The following KDM4C variants were observed in gnomAD, a reference collection of about 807,000 sequenced individuals.
KDM4C encodes the protein lysine-specific demethylase 4C.
In KDM4C, 81 loss-of-function variants were observed where a neutral mutation model predicts 129.3. That is an observed-to-expected ratio of 0.63 (90% CI 0.52 to 0.75). KDM4C has a LOEUF of 0.75. Among genes scored for constraint, KDM4C ranks in the 30% least tolerant of loss-of-function variants. The pLI is 0.00. For synonymous variants in KDM4C, 573 were observed against 456.1 expected, an observed-to-expected ratio of 1.26 and a Z score of -3.26; for missense variants, 1,457 against 1,304.0, an observed-to-expected ratio of 1.12 and a Z score of -1.81.
chr9:6,767,119 A>G (rs539567765), intron 1 of KDM4C, among the ~76,000 whole-genome samples: 54 of 150,852 alleles, frequency 3.6e-4, no homozygotes, highest in East Asian at 1.6e-3. Context: ...TTTTTTATCT[A>G]TTTAACTTTC....
In KDM4C at chr9:7,105,409, C is replaced by T. The variant is rs964810213; in HGVS notation, c.2610+1539C>T. 1.3e-5 allele frequency: 6 copies of T among 470,432 alleles called. 1 individual carries two copies. The highest frequency in any genetic ancestry group is 6.2e-5 in the South Asian group (4 of 64,472). The allele number at this position is 470,432 out of a possible 1,614,324, so 29.1% of individuals were successfully genotyped here. A position where few individuals can be genotyped will look rare whatever the true frequency, so the allele number is the denominator to read the frequency against. ...TCACCATGTTGTTTTCAGTTCACAG[C>T]ACAGAGTAAGCACTCAAAAAATGAA... On this transcript the variant is annotated intron_variant, in intron 18 of 21. Coordinates refer to ENST00000381309, the MANE Select transcript of KDM4C (RefSeq NM_015061.6).
At chr9:6,847,345 A>C (rs1838019565) in intron 4 of KDM4C, among the ~76,000 whole-genome samples, 1 of 152,278 alleles carries the variant, frequency 6.6e-6, no homozygotes, top group South Asian at 2.1e-4. Flanking sequence ...AATATTTTAC[A>C]TAATGTGATT....
At chr9:7,126,791 C>G (rs1303568590) in intron 18 of KDM4C, among the ~76,000 whole-genome samples, 1 of 151,704 alleles carries the variant, frequency 6.6e-6, no homozygotes, top group African/African-American at 2.4e-5. Flanking sequence ...TGGCTAATTT[C>G]AGGACTGGTG....
chr9:6,944,927 C>T (rs1826670267), intron 8 of KDM4C, among the ~76,000 whole-genome samples: 1 of 152,066 alleles, frequency 6.6e-6, no homozygotes, highest in Non-Finnish European at 1.5e-5. Flanking sequence ...CTCAAATTAG[C>T]TGGAACTAGA....
rs1844392856 is a variant in KDM4C at position 7,166,446 on chromosome 9, G to A, written c.2901+1089G>A. On this transcript the variant is annotated intron_variant, in intron 20 of 21. Transcript: ENST00000381309. ...GAGGATGTATACACATACATTGTGT[G>A]TGTATGTGTGTATGTGTGTCTGTGT... is the stretch of plus-strand genomic sequence containing the variant. 2.6e-4 allele frequency among the ~76,000 whole-genome samples: 2 copies of A among 7,680 alleles called. 1 individual carries two copies. The highest frequency in any genetic ancestry group is 4.5e-3 in the South Asian group (2 of 448). The allele number at this position is 7,680 out of a possible 152,430, so 5.0% of individuals were successfully genotyped here.
At chr9:7,155,783 A>T (rs11790023) in intron 19 of KDM4C, among the ~76,000 whole-genome samples, 1 of 152,148 alleles carries the variant, frequency 6.6e-6, no homozygotes, top group East Asian at 1.9e-4. Flanking sequence ...GTTGGTTCCA[A>T]GTCTTTGCTA....
intron 5 of KDM4C, among the ~76,000 whole-genome samples, chr9:6,875,273 A>G (rs1054902551): frequency 1.3e-5 from 2 of 152,052 alleles, no homozygotes; most frequent in African/African-American, 4.8e-5. Context: ...CCTCTTAGGG[A>G]GCTGAGATAG....
intron 8 of KDM4C, among the ~76,000 whole-genome samples, chr9:6,953,414 A>G (rs1319271988): frequency 6.6e-6 from 1 of 152,222 alleles, no homozygotes; most frequent in Non-Finnish European, 1.5e-5. Flanking sequence ...GTTTGCATTT[A>G]TTTTCAAAAG....
intron 21 of KDM4C, among the ~76,000 whole-genome samples, chr9:7,171,834 T>A (rs894492499): frequency 2.0e-5 from 3 of 151,878 alleles, no homozygotes; most frequent in Admixed American, 1.3e-4. Flanking sequence ...TCTGAAAAAA[T>A]TTTTAATTAA....
At chr9:6,942,045 A>G (rs1826043410) in intron 8 of KDM4C, among the ~76,000 whole-genome samples, 1 of 152,224 alleles carries the variant, frequency 6.6e-6, no homozygotes, top group Non-Finnish European at 1.5e-5. Context: ...GGGCTCTTTT[A>G]AAAAGGGTTC....
chr9:6,984,084 T>G, intron 9 of KDM4C, 82 bp from the exon 10 acceptor site: 1 of 840,582 alleles, frequency 1.2e-6, no homozygotes, highest in Non-Finnish European at 1.9e-6. Context: ...TTTAAGCAAG[T>G]GAAAATGACA....
intron 8 of KDM4C, among the ~76,000 whole-genome samples, chr9:6,914,365 C>T (rs1323929083): frequency 6.6e-6 from 1 of 152,162 alleles, no homozygotes; most frequent in Admixed American, 6.5e-5. Flanking sequence ...AGCCACTGTG[C>T]CTGGCCCATA....
At chr9:6,730,676 G>A (rs2130209196) in intron 1 of KDM4C, among the ~76,000 whole-genome samples, 1 of 151,914 alleles carries the variant, frequency 6.6e-6, no homozygotes, top group African/African-American at 2.4e-5. Flanking sequence ...TCATGAATCA[G>A]GTAGCCCCCA....
At chr9:7,100,098 A>G (rs1426468958) in intron 17 of KDM4C, among the ~76,000 whole-genome samples, 3 of 152,118 alleles carry the variant, frequency 2.0e-5, no homozygotes. Flanking sequence ...TTTATTCTGA[A>G]GGCAAAATCA....
At chr9:7,016,473 C>T (rs1198634650) in intron 15 of KDM4C, among the ~76,000 whole-genome samples, 3 of 132,526 alleles carry the variant, frequency 2.3e-5, no homozygotes, top group East Asian at 2.2e-4. Flanking sequence ...ATTGCCCAGG[C>T]TGGAATGCAG....
intron 19 of KDM4C, among the ~76,000 whole-genome samples, chr9:7,130,456 A>T (rs2133366162): frequency 6.6e-6 from 1 of 152,354 alleles, no homozygotes; most frequent in East Asian, 1.9e-4. Context: ...TCTGTGAACC[A>T]GAACAAATAT....
intron 8 of KDM4C, among the ~76,000 whole-genome samples, chr9:6,946,120 G>T (rs937444683): frequency 6.6e-6 from 1 of 152,038 alleles, no homozygotes; most frequent in Non-Finnish European, 1.5e-5. Flanking sequence ...TGTAATCAAG[G>T]GGGTTAGTGG....
chr9:7,152,957 T>G (rs1842850923), intron 19 of KDM4C, among the ~76,000 whole-genome samples: 1 of 152,132 alleles, frequency 6.6e-6, no homozygotes, highest in Admixed American at 6.5e-5. Context: ...AAATTAGAAG[T>G]ACAGGGAAAA....
At chr9:7,075,718 G>T (rs1049269667) in intron 17 of KDM4C, among the ~76,000 whole-genome samples, 3 of 151,976 alleles carry the variant, frequency 2.0e-5, no homozygotes, top group Non-Finnish European at 4.4e-5. Flanking sequence ...CAGGTATTCT[G>T]TTACAGCAAC....
Sources: allele counts gnomAD v4.1 joint callset (sites outside exome capture counted in the v4.1 genomes callset), GRCh38; gene constraint gnomAD v4.1.1; transcripts MANE v1.5; gene names NCBI Gene and HGNC (gene_info 2026-07-23, HGNC 2026-07-21).